The following NSMCE2 variants were observed in gnomAD, a reference collection of about 807,000 sequenced individuals.
The protein encoded by NSMCE2 is E3 SUMO-protein ligase NSE2.
In NSMCE2, 24 loss-of-function variants were observed where a neutral mutation model predicts 23.8. That is an observed-to-expected ratio of 1.01 (90% confidence interval 0.73 to 1.42). NSMCE2 has a LOEUF of 1.42. Among genes scored for constraint, NSMCE2 ranks in the 40% most tolerant of loss-of-function variants. The pLI is 0.00. For missense variants in NSMCE2, 284 were observed against 296.5 expected, an observed-to-expected ratio of 0.96 and a Z score of 0.31; for synonymous variants, 92 against 94.1, an observed-to-expected ratio of 0.98 and a Z score of 0.13.
At chr8:125,270,831 A>T (rs1188202933) in intron 5 of NSMCE2, 2 of 152,172 alleles carry the variant, frequency 1.3e-5, no homozygotes, top group Non-Finnish European at 2.9e-5. Flanking sequence ...TTCCGTGCTG[A>T]TGAGTAATGA....
chr8:125,194,440 A>G (rs1213876962), intron 5 of NSMCE2, among the ~76,000 whole-genome samples: 1 of 152,130 alleles, frequency 6.6e-6, no homozygotes, highest in East Asian at 1.9e-4. Flanking sequence ...GTTGCATTCT[A>G]TTGCTGAGTA....
chr8:125,250,181 G>A (rs1342193000), intron 5 of NSMCE2, among the ~76,000 whole-genome samples: 1 of 152,016 alleles, frequency 6.6e-6, no homozygotes, highest in Non-Finnish European at 1.5e-5. Flanking sequence ...GTAGAGATGG[G>A]GTTTCACCAT....
intron 5 of NSMCE2, among the ~76,000 whole-genome samples, chr8:125,346,819 T>C (rs1294939600): frequency 3.3e-5 from 5 of 152,334 alleles, no homozygotes; most frequent in Admixed American, 2.0e-4. Context: ...ATTTGGACAG[T>C]ATTTAATAGC....
At position 125,336,233 on chromosome 8, in the gene NSMCE2, T is replaced by G. The variant is rs1020360293; in HGVS notation, c.419-20986T>G. ...AAAGGAAGAGAAGACCTGTGAGCAT[T>G]TTATTATGTGCTGGGCATATTAAAT... On this transcript the variant is annotated intron_variant, in intron 5 of 7. Transcript: ENST00000287437. Among the ~76,000 whole-genome samples, 3 of 152,184 alleles carry G rather than the reference T, an allele frequency of 2.0e-5. No homozygotes were observed. In the East Asian group the frequency reaches 5.8e-4, roughly 29 times the overall value.
At chr8:125,157,889 T>C (rs1821408206) in intron 4 of NSMCE2, among the ~76,000 whole-genome samples, 1 of 152,156 alleles carries the variant, frequency 6.6e-6, no homozygotes, top group South Asian at 2.1e-4. Flanking sequence ...TGTGAATAAG[T>C]ATAATAGGAA....
At chr8:125,267,067 T>C (rs891478790) in intron 5 of NSMCE2, among the ~76,000 whole-genome samples, 1 of 140,282 alleles carries the variant, frequency 7.1e-6, no homozygotes, top group Non-Finnish European at 1.5e-5. Context: ...TGCAATGGCA[T>C]GATATTGGCC....
intron 5 of NSMCE2, among the ~76,000 whole-genome samples, chr8:125,301,585 C>T (rs559477836): frequency 3.3e-5 from 5 of 151,782 alleles, no homozygotes; most frequent in Non-Finnish European, 7.4e-5. Context: ...GACCCAGGCA[C>T]GGTGTCAGGA....
chr8:125,195,879 CTTTTTTTT>C (rs34687223), intron 5 of NSMCE2, among the ~76,000 whole-genome samples: 2 of 83,660 alleles, frequency 2.4e-5, no homozygotes, highest in African/African-American at 5.7e-5. Context: ...TCCTGAATAA[CTTTTTTTT>C]TTTTTTTTTT....
intron 4 of NSMCE2, among the ~76,000 whole-genome samples, chr8:125,153,022 A>T (rs1821121090): frequency 7.7e-6 from 1 of 130,698 alleles, no homozygotes; most frequent in Admixed American, 9.3e-5. Flanking sequence ...ACGCCAGTGC[A>T]CTCCAGCCTG....
chr8:125,120,194 G>C (rs541180050), intron 3 of NSMCE2, among the ~76,000 whole-genome samples: 199 of 152,246 alleles, frequency 1.3e-3, no homozygotes, highest in African/African-American at 4.4e-3. Flanking sequence ...TGAAAAGTGG[G>C]TACTGTATTA....
chr8:125,341,127 G>C (rs993783929), intron 5 of NSMCE2, among the ~76,000 whole-genome samples: 25 of 152,150 alleles, frequency 1.6e-4, no homozygotes, highest in African/African-American at 5.8e-4. Context: ...AGGAATAAAA[G>C]TGTAGTTAGA....
chr8:125,158,862 T>C (rs1821456094), intron 4 of NSMCE2, among the ~76,000 whole-genome samples: 1 of 152,204 alleles, frequency 6.6e-6, no homozygotes, highest in Non-Finnish European at 1.5e-5. Context: ...AATGGATCAG[T>C]AAATGTTAAA....
At chr8:125,130,136 C>A (rs568976531) in intron 3 of NSMCE2, 3 of 389,222 alleles carry the variant, frequency 7.7e-6, no homozygotes, top group South Asian at 1.9e-5. Flanking sequence ...TTTGAGGAAT[C>A]CTGCTTAGGT....
At chr8:125,301,755 TGG>T (rs1328314701) in intron 5 of NSMCE2, among the ~76,000 whole-genome samples, 2 of 150,670 alleles carry the variant, frequency 1.3e-5, no homozygotes, top group Non-Finnish European at 3.0e-5. Flanking sequence ...CTCCGCTTAC[TGG>T]GTTCAAGCAA....
At chr8:125,130,863 C>T (rs1259025758) in intron 3 of NSMCE2, among the ~76,000 whole-genome samples, 1 of 152,180 alleles carries the variant, frequency 6.6e-6, no homozygotes, top group Admixed American at 6.6e-5. Context: ...TGGACTCCCA[C>T]CGTCCACTGT....
intron 4 of NSMCE2, among the ~76,000 whole-genome samples, chr8:125,161,524 G>A (rs541307646): frequency 2.6e-5 from 4 of 152,290 alleles, no homozygotes; most frequent in South Asian, 4.1e-4. Context: ...AAGGCTGGGT[G>A]TGGTGGCTCA....
chr8:125,247,555 T>C (rs1231267035), intron 5 of NSMCE2, among the ~76,000 whole-genome samples: 1 of 152,036 alleles, frequency 6.6e-6, no homozygotes, highest in Non-Finnish European at 1.5e-5. Flanking sequence ...TGAAACCCCG[T>C]CTCCACTGAA....
At chr8:125,151,394 A>T in intron 4 of NSMCE2, 117 bp downstream of exon 4, 1 of 525,330 alleles carries the variant, frequency 1.9e-6, no homozygotes, top group East Asian at 2.9e-5. Flanking sequence ...TTAATGTAGC[A>T]GCTATTAAAT....
At chr8:125,131,722 T>A (rs2130565912) in intron 3 of NSMCE2, among the ~76,000 whole-genome samples, 1 of 152,268 alleles carries the variant, frequency 6.6e-6, no homozygotes, top group Non-Finnish European at 1.5e-5. Flanking sequence ...ATGTATATTT[T>A]AAAAATGCAA....
Sources: allele counts gnomAD v4.1 joint callset (sites outside exome capture counted in the v4.1 genomes callset), GRCh38; gene constraint gnomAD v4.1.1; transcripts MANE v1.5; gene names NCBI Gene and HGNC (gene_info 2026-07-23, HGNC 2026-07-21).